The following SEPTIN9 variants were observed in gnomAD, a reference collection of about 807,000 sequenced individuals.
SEPTIN9 encodes the protein septin-9.
In SEPTIN9, 13 loss-of-function variants were observed where a neutral mutation model predicts 56.6. The observed-to-expected ratio is 0.23, with a 90% confidence interval of 0.15 to 0.37. The LOEUF is 0.37. Among genes scored for constraint, SEPTIN9 ranks in the 10% least tolerant of loss-of-function variants. The probability of loss-of-function intolerance (pLI) is 1.00; values close to 1 mark genes in which losing one functional copy is unlikely to be tolerated. For missense variants in SEPTIN9, 650 were observed against 823.1 expected (o/e 0.79, Z 2.57); for synonymous variants, 332 against 334.1 (o/e 0.99, Z 0.07).
chr17:77,386,765 A>T (rs1326468948), intron 2 of SEPTIN9, among the ~76,000 whole-genome samples: 2 of 152,088 alleles, frequency 1.3e-5, no homozygotes, highest in Admixed American at 6.5e-5. Context: ...CTTGGAAGGA[A>T]AATACGGGCA....
chr17:77,304,831 T>C (rs1178539020), intron 1 of SEPTIN9, among the ~76,000 whole-genome samples: 1 of 152,146 alleles, frequency 6.6e-6, no homozygotes, highest in Non-Finnish European at 1.5e-5. Context: ...GTGTGCGTTA[T>C]ATGCAGTGCG....
chr17:77,480,077 G>A (rs1568105567), intron 3 of SEPTIN9, among the ~76,000 whole-genome samples: 1 of 152,208 alleles, frequency 6.6e-6, no homozygotes, highest in South Asian at 2.1e-4. Context: ...CTGGGTGGGG[G>A]CCACGTGGGG....
At chr17:77,292,740 C>G (rs1426739816) in intron 1 of SEPTIN9, among the ~76,000 whole-genome samples, 1 of 152,008 alleles carries the variant, frequency 6.6e-6, no homozygotes, top group Non-Finnish European at 1.5e-5. Flanking sequence ...GTGATAGGCT[C>G]GCGTCGGCCT....
chr17:77,322,441 G>A (rs1034742211), intron 2 of SEPTIN9, among the ~76,000 whole-genome samples: 4 of 152,226 alleles, frequency 2.6e-5, no homozygotes, highest in Non-Finnish European at 4.4e-5. Flanking sequence ...GTAAGAAAAC[G>A]TACATTTTTA....
At position 77,367,435 on chromosome 17, in the gene SEPTIN9, C is replaced by T. The variant is rs1381760686; in HGVS notation, c.77-34624C>T. Among the ~76,000 whole-genome samples the T allele has an allele frequency of 1.3e-5, 2 of 152,184 alleles. No individual in the cohort carries two copies. Among genetic ancestry groups the T allele is most frequent in the Admixed American group, 1.3e-4 (2 of 15,274 alleles). ...AAGGAAACTGCGCTTTGTCATTGCA[C>T]AGGATCGAACAGGTGTGTGTGGAGT... On this transcript the variant is annotated intron_variant, in intron 2 of 11. Coordinates refer to ENST00000427177, the MANE Select transcript of SEPTIN9 (RefSeq NM_001113491.2). This position sits in a 1 kb window ranked among gnomAD's most constrained non-coding sequence, Gnocchi z 4.5.
intron 2 of SEPTIN9, among the ~76,000 whole-genome samples, chr17:77,387,305 A>G (rs767887654): frequency 6.6e-6 from 1 of 152,116 alleles, no homozygotes; most frequent in Admixed American, 6.5e-5. Flanking sequence ...CCGTCTTCAC[A>G]TGGCCTTTTC....
chr17:77,477,975 A>G lies in SEPTIN9; in HGVS notation c.722-4169A>G, dbSNP rs541901100. On this transcript the variant is annotated intron_variant, in intron 3 of 11. Coordinates refer to ENST00000427177, the MANE Select transcript of SEPTIN9 (RefSeq NM_001113491.2). ...GCCTGGAGGTGCGATGGGGATCTCA[A>G]CGGGGCAGCTGCCGTCTTGCTGGAG... 3.9e-5 allele frequency among the ~76,000 whole-genome samples: 6 copies of G among 152,202 alleles called. No individual in the cohort carries two copies. The East Asian group carries it at 5.8e-4, about 15-fold the overall frequency.
chr17:77,407,402 T>C (rs773692152), intron 3 of SEPTIN9, among the ~76,000 whole-genome samples: 2 of 151,832 alleles, frequency 1.3e-5, no homozygotes, highest in Non-Finnish European at 2.9e-5. Context: ...TTGGGATGGC[T>C]TTTTTGTGGT....
intron 1 of SEPTIN9, among the ~76,000 whole-genome samples, chr17:77,299,961 G>A (rs377543153): frequency 2.7e-4 from 41 of 152,330 alleles, no homozygotes; most frequent in African/African-American, 7.0e-4. Context: ...CAACGGCACC[G>A]CACCAGAACC....
chr17:77,305,905 T>TGGGG (rs869237057), intron 1 of SEPTIN9, among the ~76,000 whole-genome samples: 1 of 30,370 alleles, frequency 3.3e-5, no homozygotes, highest in Non-Finnish European at 7.2e-5. Flanking sequence ...AGTGGGTGGG[T>TGGGG]GGGGGGGTGG....
rs1568017275 is a variant in SEPTIN9, at chr17:77,367,836, AAATAAAATAATAAT to A, written c.77-34209_77-34196del. 6.6e-6 allele frequency among the ~76,000 whole-genome samples: 1 copy of A among 152,060 alleles called. No homozygotes were observed. On this transcript the variant is annotated intron_variant, in intron 2 of 11. Transcript: ENST00000427177. This position sits in a 1 kb window ranked among gnomAD's most constrained non-coding sequence, Gnocchi z 4.5. Reference sequence around the variant, plus strand: ...CTAAAATAATAATAATGCTAATAATAAATAAAATAATAATAATAAAATAATAAAAGCAAGGACTT... The same window carrying A: ...CTAAAATAATAATAATGCTAATAATAAATAAAATAATAAAAGCAAGGACTT...
chr17:77,485,949 G>T (rs1269426078), intron 4 of SEPTIN9, among the ~76,000 whole-genome samples: 1 of 151,628 alleles, frequency 6.6e-6, no homozygotes, highest in African/African-American at 2.4e-5. Context: ...AGTGATTCTC[G>T]TGCCTCAGGC....
At position 77,475,207 on chromosome 17, in the gene SEPTIN9, G is replaced by C; in HGVS notation, c.722-6937G>C. The C allele has an allele frequency of 8.1e-7, 1 of 1,237,714 alleles. No individual in the cohort carries two copies. Among genetic ancestry groups the C allele is most frequent in the South Asian group, 2.4e-5 (1 of 42,434 alleles). The allele number at this position is 1,237,714 out of a possible 1,614,324, so 76.7% of individuals were successfully genotyped here. The stretch of plus-strand genomic sequence containing the variant: ...TGGCTTCACAAACCCTGTGTGGGGG[G>C]GTTGTGGTGAGAGGAAACCGCACAC... On this transcript the variant is annotated intron_variant, in intron 3 of 11. Coordinates refer to ENST00000427177, the MANE Select transcript of SEPTIN9 (RefSeq NM_001113491.2). The surrounding 1 kb of genome is among the most constrained non-coding windows in gnomAD (Gnocchi z 4.6).
intron 3 of SEPTIN9, among the ~76,000 whole-genome samples, chr17:77,468,312 T>C (rs2038839094): frequency 6.6e-6 from 1 of 151,588 alleles, no homozygotes; most frequent in Non-Finnish European, 1.5e-5. Flanking sequence ...AGGAACCCAG[T>C]GTAGATGAGC....
chr17:77,366,921 A>C (rs2034588240), intron 2 of SEPTIN9, among the ~76,000 whole-genome samples: 1 of 152,198 alleles, frequency 6.6e-6, no homozygotes, highest in African/African-American at 2.4e-5. Flanking sequence ...CTTTGTTTAA[A>C]AAGTCCCCTG....
chr17:77,479,456 G>C (rs775339923), intron 3 of SEPTIN9, among the ~76,000 whole-genome samples: 1 of 152,268 alleles, frequency 6.6e-6, no homozygotes, highest in African/African-American at 2.4e-5. Context: ...GGCCAGCCGG[G>C]GCCTGCAAGG....
chr17:77,493,949 T>G (rs182118588), intron 10 of SEPTIN9, among the ~76,000 whole-genome samples: 5 of 152,210 alleles, frequency 3.3e-5, no homozygotes, highest in African/African-American at 1.2e-4. Context: ...ATTTTTGTAT[T>G]TTTAGTAGAG....
At chr17:77,308,543 G>A (rs1275327994) in intron 2 of SEPTIN9, among the ~76,000 whole-genome samples, 1 of 152,202 alleles carries the variant, frequency 6.6e-6, no homozygotes, top group Non-Finnish European at 1.5e-5. Flanking sequence ...AAGTATAAAT[G>A]TTTACGTTTA....
chr17:77,337,883 T>C (rs1405302708), intron 2 of SEPTIN9, among the ~76,000 whole-genome samples: 1 of 152,194 alleles, frequency 6.6e-6, no homozygotes, highest in Non-Finnish European at 1.5e-5. Context: ...ACAAACTTTT[T>C]GGTTTCCCAG....
Sources: allele counts gnomAD v4.1 joint callset (sites outside exome capture counted in the v4.1 genomes callset), GRCh38; gene constraint gnomAD v4.1.1; non-coding constraint Gnocchi (gnomAD v3.1); transcripts MANE v1.5; gene names NCBI Gene and HGNC (gene_info 2026-07-23, HGNC 2026-07-21).